UTRN: variants seen among roughly 807,000 people sequenced by gnomAD.
UTRN encodes utrophin.
UTRN carries 283 observed loss-of-function variants against 463.9 expected under a neutral mutation model. The ratio of observed to expected loss-of-function variants is 0.61; its 90% CI spans 0.55 to 0.67. The LOEUF (loss-of-function observed/expected upper bound fraction) is 0.67, where lower values mean the gene tolerates loss of function less well. UTRN is among the 30% of genes least tolerant of loss of function. The probability of loss-of-function intolerance (pLI) is 0.00; values close to 1 mark genes in which losing one functional copy is unlikely to be tolerated. For missense variants in UTRN, 3,922 were observed against 4,084.3 expected (o/e 0.96, Z 1.08); for synonymous variants, 1,442 against 1,431.5 (o/e 1.01, Z -0.17).
chr6:144,465,279 T>C (rs1253637232), intron 23 of UTRN, among the ~76,000 whole-genome samples: 1 of 152,236 alleles, frequency 6.6e-6, no homozygotes, highest in Non-Finnish European at 1.5e-5. Context: ...ATGCTACTAT[T>C]TCAATATGGA....
intron 66 of UTRN, among the ~76,000 whole-genome samples, chr6:144,826,045 C>A (rs1387912576): frequency 6.7e-6 from 1 of 150,212 alleles, no homozygotes; most frequent in Non-Finnish European, 1.5e-5. Flanking sequence ...ATACCTAATG[C>A]TAAATGATGA....
At chr6:144,432,839 G>A (rs181230679) in intron 9 of UTRN, among the ~76,000 whole-genome samples, 2,085 of 152,226 alleles carry the variant, frequency 0.014, 38 homozygotes, top group South Asian at 0.088. Flanking sequence ...GCGGCCTTCC[G>A]CAGTGTTTGT....
At position 144,438,962 on chromosome 6, in the gene UTRN, G is replaced by A. The variant is rs1157257635; in HGVS notation, c.1392+67G>A. 1.5e-5 allele frequency: 23 copies of A among 1,524,812 alleles called. No homozygotes were observed. The Admixed American group carries it at 2.3e-4, about 15-fold the overall frequency. The allele number at this position is 1,524,812 out of a possible 1,614,324, so 94.5% of individuals were successfully genotyped here. A position where few individuals can be genotyped will look rare whatever the true frequency, so the allele number is the denominator to read the frequency against. ...AAAGAGCAGCACTTAGCATCTCAGA[G>A]GCTGATGACATCTATCGTTAACATG... On this transcript the variant is annotated intron_variant, in intron 12 of 74. Coordinates refer to ENST00000367545, the MANE Select transcript of UTRN (RefSeq NM_007124.3).
intron 58 of UTRN, among the ~76,000 whole-genome samples, chr6:144,759,022 T>C (rs1472380651): frequency 6.6e-6 from 1 of 152,118 alleles, no homozygotes; most frequent in Non-Finnish European, 1.5e-5. Context: ...GTGAAGTCCA[T>C]GTTGGTGAAA....
chr6:144,378,572 C>T (rs1780654282), intron 2 of UTRN, among the ~76,000 whole-genome samples: 1 of 152,160 alleles, frequency 6.6e-6, no homozygotes, highest in Non-Finnish European at 1.5e-5. Flanking sequence ...AGGAGGCAGG[C>T]ATAGCAGCAT....
At chr6:144,732,301 T>C (rs113604365) in intron 54 of UTRN, among the ~76,000 whole-genome samples, 59 of 126,900 alleles carry the variant, frequency 4.6e-4, no homozygotes, top group African/African-American at 1.5e-3. Context: ...TATATACACA[T>C]ATATATATAT....
At chr6:144,641,371 C>T (rs1321839132) in intron 51 of UTRN, among the ~76,000 whole-genome samples, 1 of 152,094 alleles carries the variant, frequency 6.6e-6, no homozygotes, top group East Asian at 1.9e-4. Flanking sequence ...GTCTGGGTTA[C>T]AATAAGGGGT....
intron 54 of UTRN, among the ~76,000 whole-genome samples, chr6:144,740,072 A>G (rs1315543998): frequency 6.6e-6 from 1 of 152,260 alleles, no homozygotes; most frequent in East Asian, 1.9e-4. Context: ...AATACTTACC[A>G]CCCATTCTAC....
chr6:144,347,204 T>C (rs970567505), intron 2 of UTRN, among the ~76,000 whole-genome samples: 3 of 152,152 alleles, frequency 2.0e-5, no homozygotes, highest in Non-Finnish European at 4.4e-5. Flanking sequence ...GATGGAAGGG[T>C]TAAAAGATTC....
At chr6:144,814,725 G>A (rs1778927491) in intron 65 of UTRN, among the ~76,000 whole-genome samples, 2 of 152,206 alleles carry the variant, frequency 1.3e-5, no homozygotes, top group African/African-American at 2.4e-5. Flanking sequence ...CACTAATCAT[G>A]TGGGTGGTAG....
At chr6:144,526,791 G>A (rs1031330700) in intron 41 of UTRN, among the ~76,000 whole-genome samples, 5 of 146,448 alleles carry the variant, frequency 3.4e-5, no homozygotes, top group African/African-American at 1.3e-4. Flanking sequence ...GGTTCTTTGA[G>A]ATCTATGCTT....
intron 4 of UTRN, among the ~76,000 whole-genome samples, chr6:144,422,904 G>C (rs769977636): frequency 6.6e-6 from 1 of 152,184 alleles, no homozygotes; most frequent in Non-Finnish European, 1.5e-5. Context: ...TCCAGGTAGT[G>C]GGTAGACAAC....
At position 144,554,899 on chromosome 6, in the gene UTRN, A is replaced by G. The variant is rs772886648; in HGVS notation, c.7134+6A>G. On this transcript the variant is annotated splice_donor_region_variant and intron_variant, in intron 49 of 74. Coordinates refer to ENST00000367545, the MANE Select transcript of UTRN (RefSeq NM_007124.3). ...AACAAATTTCTGATAACCAAGTAAG[A>G]CTCATCAGATATTTTTTGGCAGTAT... The G allele has an allele frequency of 4.3e-6, 7 of 1,613,536 alleles. No homozygotes were observed. The highest frequency in any genetic ancestry group is 1.1e-5 in the South Asian group (1 of 90,964).
intron 69 of UTRN, among the ~76,000 whole-genome samples, chr6:144,830,044 A>G (rs1269844144): frequency 6.6e-6 from 1 of 152,172 alleles, no homozygotes; most frequent in Non-Finnish European, 1.5e-5. Flanking sequence ...TCCTAAATCA[A>G]CAAATTTCCT....
chr6:144,324,969 C>T (rs9496929), intron 2 of UTRN, among the ~76,000 whole-genome samples: 8,749 of 152,212 alleles, frequency 0.057, 856 homozygotes, highest in African/African-American at 0.2. Flanking sequence ...AATCTTTAAA[C>T]AGCACACTTT....
intron 51 of UTRN, among the ~76,000 whole-genome samples, chr6:144,653,911 A>G (rs1779071844): frequency 6.6e-6 from 1 of 152,240 alleles, no homozygotes; most frequent in Non-Finnish European, 1.5e-5. Context: ...GGAATTCTTC[A>G]TTTTGTAATC....
At chr6:144,398,374 T>C in intron 2 of UTRN, 1 of 362,498 alleles carries the variant, frequency 2.8e-6, no homozygotes, top group Non-Finnish European at 5.5e-6. Context: ...CACCAGGGAC[T>C]TCCTTCACTG....
At chr6:144,624,262 T>C (rs1775717711) in intron 51 of UTRN, among the ~76,000 whole-genome samples, 1 of 152,074 alleles carries the variant, frequency 6.6e-6, no homozygotes. Context: ...GAGTCTAGAT[T>C]TGAGTATATT....
intron 65 of UTRN, among the ~76,000 whole-genome samples, chr6:144,806,120 T>C (rs553474256): frequency 2.0e-5 from 3 of 152,318 alleles, no homozygotes; most frequent in African/African-American, 4.8e-5. Context: ...CTTGAACATA[T>C]AATAATTCTT....
Sources: allele counts gnomAD v4.1 joint callset (sites outside exome capture counted in the v4.1 genomes callset), GRCh38; gene constraint gnomAD v4.1.1; transcripts MANE v1.5; gene names NCBI Gene and HGNC (gene_info 2026-07-23, HGNC 2026-07-21).